The following THRAP3 variants were observed in gnomAD, a reference collection of about 807,000 sequenced individuals.
The protein encoded by THRAP3 is thyroid hormone receptor associated protein 3.
Under a neutral mutation model 101.0 loss-of-function variants are expected in THRAP3, and 16 were observed. The observed-to-expected ratio is 0.16, with a 90% CI of 0.11 to 0.24. The LOEUF is 0.24. Among genes scored for constraint, THRAP3 ranks in the 10% least tolerant of loss-of-function variants. THRAP3 has a pLI of 1.00. For missense variants in THRAP3, 989 were observed against 1,202.7 expected (o/e 0.82, Z 2.63); for synonymous variants, 407 against 422.6 (o/e 0.96, Z 0.45).
Position 36,279,725 on chromosome 1 carries a change from A to G in THRAP3, c.-31-2808A>G, listed in dbSNP as rs570589967. Among the ~76,000 whole-genome samples, 7 of 152,202 alleles carry G rather than the reference A, an allele frequency of 4.6e-5. No individual in the cohort carries two copies. In the East Asian group the frequency reaches 1.2e-3, roughly 25 times the overall value. On this transcript the variant is annotated intron_variant, in intron 2 of 11. Coordinates refer to ENST00000354618, the MANE Select transcript of THRAP3 (RefSeq NM_005119.4). The stretch of plus-strand genomic sequence containing the variant: ...TTCTCCTCTAAATTATGTCTCTAAG[A>G]TTTTGCTTGTTTCCCCTGTGAGATG...
chr1:36,270,571 G>GGTTTTTTTTTTTTT (rs1553121666), intron 2 of THRAP3, among the ~76,000 whole-genome samples: 359 of 31,788 alleles, frequency 0.011, 26 homozygotes, highest in African/African-American at 0.024. Context: ...ATTTGTTTAG[G>GGTTTTTTTTTTTTT]TTTTTGTTTT....
intron 9 of THRAP3, among the ~76,000 whole-genome samples, chr1:36,298,081 A>T (rs537160893): frequency 7.5e-6 from 1 of 133,968 alleles, no homozygotes; most frequent in Non-Finnish European, 1.5e-5. Context: ...TGGGAGGAGG[A>T]GGTTGCACTG....
intron 1 of THRAP3, among the ~76,000 whole-genome samples, chr1:36,250,231 T>G (rs76745331): frequency 1.3e-5 from 2 of 148,152 alleles, no homozygotes; most frequent in East Asian, 1.9e-4. Flanking sequence ...TTTTTTTTTT[T>G]GAGACAAAGA....
At chr1:36,287,419 C>T (rs888415475) in intron 4 of THRAP3, 149 bp downstream of exon 4, 2 of 1,390,190 alleles carry the variant, frequency 1.4e-6, no homozygotes, top group Non-Finnish European at 1.9e-6. Flanking sequence ...AAAAGCATCA[C>T]CCAAGGAAAC....
chr1:36,299,921 A>T (rs556450350), intron 9 of THRAP3, among the ~76,000 whole-genome samples: 4 of 152,244 alleles, frequency 2.6e-5, no homozygotes, highest in South Asian at 2.1e-4. Context: ...TGTATGAATA[A>T]GTGTGTGTGG....
intron 8 of THRAP3, among the ~76,000 whole-genome samples, chr1:36,296,139 G>C (rs947357900): frequency 6.6e-6 from 1 of 151,626 alleles, no homozygotes; most frequent in Non-Finnish European, 1.5e-5. Context: ...TTGCTCGGCT[G>C]ATTTTTGTAT....
In THRAP3 at chr1:36,303,861, T is replaced by C. The variant is rs754074178; in HGVS notation, c.2712T>C (p.Phe904=). Reference sequence around the variant, plus strand: ...GCCGGGGCCGGGGCCGAGGAGCCTTTCCTCGGGGTCGGGGCCGGTTCATGT... The same window carrying C: ...GCCGGGGCCGGGGCCGAGGAGCCTTCCCTCGGGGTCGGGGCCGGTTCATGT... ...WVSRGRGRGA[F]PRGRGRFMFR... The change falls in exon 12 of 12, where the codon TTT becomes TTC. Residue 904 remains phenylalanine, a synonymous_variant. Transcript: ENST00000354618. 5.0e-6 allele frequency: 8 copies of C among 1,614,092 alleles called. No individual in the cohort carries two copies. The East Asian group carries it at 1.8e-4, about 36-fold the overall frequency.
At chr1:36,288,998 A>G (rs1334596939) in intron 4 of THRAP3, 62 bp from the exon 5 acceptor site, 1 of 1,437,090 alleles carries the variant, frequency 7.0e-7, no homozygotes, top group Non-Finnish European at 9.1e-7. Flanking sequence ...ACGGTAAGGC[A>G]CTATTTTAGA....
chr1:36,298,533 A>G (rs558127044), intron 9 of THRAP3, among the ~76,000 whole-genome samples: 2 of 152,216 alleles, frequency 1.3e-5, no homozygotes, highest in South Asian at 4.1e-4. Flanking sequence ...TTGCTCTGTC[A>G]CCCAGGCTGG....
the THRAP3 span, among the ~76,000 whole-genome samples, chr1:36,210,746 A>ATATCATATATATC: frequency 1.0e-5 from 1 of 98,852 alleles, no homozygotes; most frequent in Non-Finnish European, 2.0e-5. Context: ...TCATATATAT[A>ATATCATATATATC]AAGTGTCAGC....
At chr1:36,213,974 AAAGAAAGAAAGAAAGAAAGAAAGG>A in the THRAP3 span, among the ~76,000 whole-genome samples, 1 of 102,066 alleles carries the variant, frequency 9.8e-6, no homozygotes, top group African/African-American at 5.1e-5. Flanking sequence ...AAAGAGAAAG[AAAGAAAGAAAGAAAGAAAGAAAGG>A]AAAGAAAGAA....
In THRAP3 at chr1:36,295,599, C is replaced by CCCTTCCTTCCTCCCTT. The variant is rs1436112804; in HGVS notation, c.2116-975_2116-974insCTCCCTTCCTTCCTTC. Among the ~76,000 whole-genome samples the CCCTTCCTTCCTCCCTT allele has an allele frequency of 1.4e-3, 201 of 138,950 alleles. 1 individual carries two copies. The highest frequency in any genetic ancestry group is 5.7e-3 in the African/African-American group (193 of 34,158). The allele number at this position is 138,950 out of a possible 152,430, so 91.2% of individuals were successfully genotyped here. ...TTCCCTCCTCCCTTCCTTCCTCCCTCCCTTCCTTCTTCCCTCCCTTCCTCC... is the reference window on the plus strand; with the variant it reads ...TTCCCTCCTCCCTTCCTTCCTCCCTCCCTTCCTTCCTCCCTTCCTTCCTTCTTCCCTCCCTTCCTCC... On this transcript the variant is annotated intron_variant, in intron 8 of 11. Coordinates refer to ENST00000354618, the MANE Select transcript of THRAP3 (RefSeq NM_005119.4).
the THRAP3 span, among the ~76,000 whole-genome samples, chr1:36,208,796 A>G: frequency 6.6e-6 from 1 of 151,864 alleles, no homozygotes; most frequent in African/African-American, 2.4e-5. Context: ...CCTCCTGAAT[A>G]GCTGGGACTA....
chr1:36,296,748 C>T lies in THRAP3; in HGVS notation c.2281C>T (p.His761Tyr). ...ERSAEKTEKT[H>Y]KGSKKQKKHR... The stretch of plus-strand genomic sequence containing the variant: ...GTCAGCTGAAAAAACAGAGAAAACT[C>T]ATAAAGGATCAAAGAAACAGAAGTA... The change falls in exon 9 of 12, where the codon CAT becomes TAT. Residue 761 changes from histidine to tyrosine, a missense_variant. Coordinates refer to ENST00000354618, the MANE Select transcript of THRAP3 (RefSeq NM_005119.4). 3 of 1,594,476 alleles carry T rather than the reference C, an allele frequency of 1.9e-6. No homozygotes were observed. The highest frequency in any genetic ancestry group is 2.6e-6 in the Non-Finnish European group (3 of 1,174,848).
chr1:36,244,749 C>G lies in THRAP3; in HGVS notation c.-134-14633C>G, dbSNP rs1057032393. On this transcript the variant is annotated intron_variant, in intron 1 of 11. Transcript: ENST00000354618. ...TTTTTTTTTTTTTGAGACAGAGTCT[C>G]GCTCTGTTGCCAGGCTGGAGTGCAG... is the stretch of plus-strand genomic sequence containing the variant. Among the ~76,000 whole-genome samples, 16 of 150,768 alleles carry G rather than the reference C, an allele frequency of 1.1e-4. 1 individual carries two copies. The highest frequency in any genetic ancestry group is 9.9e-4 in the Admixed American group (15 of 15,146).
chr1:36,295,594 T>C (rs1477213904), intron 8 of THRAP3, among the ~76,000 whole-genome samples: 1 of 144,608 alleles, frequency 6.9e-6, no homozygotes, highest in African/African-American at 2.8e-5. Flanking sequence ...CCTTCCTTCC[T>C]CCCTCCCTTC....
chr1:36,304,276 T>G lies in THRAP3; in HGVS notation c.*259T>G. 2.9e-6 allele frequency: 1 copy of G among 348,504 alleles called. No individual in the cohort carries two copies. Among genetic ancestry groups the G allele is most frequent in the Non-Finnish European group, 5.1e-6 (1 of 195,764 alleles). 21.6% of individuals were successfully genotyped at this position (348,504 alleles called of 1,614,324 possible). ...TTGGGCTTTAGCTGTTTTTCTCATT[T>G]GTTGGTGTGTGGGGTGGGGGCAGGG... On this transcript the variant is annotated 3_prime_UTR_variant, in exon 12 of 12. Coordinates refer to ENST00000354618, the MANE Select transcript of THRAP3 (RefSeq NM_005119.4).
chr1:36,237,814 G>GT (rs1199236042), intron 1 of THRAP3, among the ~76,000 whole-genome samples: 8 of 151,712 alleles, frequency 5.3e-5, no homozygotes, highest in South Asian at 2.1e-4. Flanking sequence ...TAGGAAATAG[G>GT]TTTTTTTTGT....
chr1:36,275,473 G>T (rs1570310463), intron 2 of THRAP3, among the ~76,000 whole-genome samples: 1 of 150,184 alleles, frequency 6.7e-6, no homozygotes, highest in East Asian at 2.0e-4. Flanking sequence ...TGTAGTCCCA[G>T]CTACTTGGGA....
Sources: gnomAD v4.1 joint callset for allele counts (sites outside exome capture counted in the v4.1 genomes callset) on GRCh38, gnomAD v4.1.1 for gene constraint, MANE v1.5 for transcripts, NCBI Gene and HGNC (gene_info 2026-07-23, HGNC 2026-07-21) for gene names.